The following PRKCQ variants were observed in gnomAD, a reference collection of about 807,000 sequenced individuals.
PRKCQ encodes protein kinase C theta type.
Under a neutral mutation model 91.2 loss-of-function variants are expected in PRKCQ, and 41 were observed. The observed-to-expected ratio is 0.45, with a 90% confidence interval of 0.35 to 0.58. PRKCQ has a LOEUF of 0.58. Among genes scored for constraint, PRKCQ ranks in the 20% least tolerant of loss-of-function variants. PRKCQ has a pLI of 0.00. For synonymous variants in PRKCQ, 307 were observed against 316.9 expected (o/e 0.97, Z 0.33); for missense variants, 673 against 896.5 (o/e 0.75, Z 3.18).
chr10:6,541,811 C>A (rs1224348376), intron 1 of PRKCQ, among the ~76,000 whole-genome samples: 1 of 152,156 alleles, frequency 6.6e-6, no homozygotes, highest in African/African-American at 2.4e-5. Context: ...ACTGATGCTG[C>A]ATATTAAAGC....
intron 15 of PRKCQ, among the ~76,000 whole-genome samples, chr10:6,450,001 A>G (rs199684931): frequency 0.33 from 49,324 of 150,058 alleles, 8,183 homozygotes; most frequent in East Asian, 0.43. Flanking sequence ...AAAGACCATC[A>G]AGACTAGGAA....
intron 17 of PRKCQ, among the ~76,000 whole-genome samples, chr10:6,429,210 T>C (rs1259307815): frequency 6.6e-6 from 1 of 152,216 alleles, no homozygotes; most frequent in African/African-American, 2.4e-5. Flanking sequence ...GAATGTCCTT[T>C]AGGGTAAGCT....
intron 15 of PRKCQ, among the ~76,000 whole-genome samples, chr10:6,451,334 G>A (rs147755487): frequency 0.01 from 1,549 of 152,070 alleles, 51 homozygotes; most frequent in East Asian, 0.05. Flanking sequence ...TAGAAGAAAC[G>A]GATAAATTCC....
intron 4 of PRKCQ, among the ~76,000 whole-genome samples, chr10:6,501,171 T>C (rs1332346233): frequency 6.6e-6 from 1 of 151,860 alleles, no homozygotes; most frequent in Non-Finnish European, 1.5e-5. Context: ...CCCAGAGTCT[T>C]AGGGTCTAAG....
intron 2 of PRKCQ, 75 bp from the exon 3 acceptor site, chr10:6,511,269 G>C (rs1838463744): frequency 7.4e-7 from 1 of 1,351,426 alleles, no homozygotes; most frequent in Admixed American, 1.7e-5. Flanking sequence ...CTCAACAGTA[G>C]CACCTGCTCC....
At chr10:6,416,274 G>A in the PRKCQ span, among the ~76,000 whole-genome samples, 3 of 151,828 alleles carry the variant, frequency 2.0e-5, no homozygotes, top group East Asian at 1.9e-4. Context: ...ACATGGATAC[G>A]TTCTTTAGCG....
Position 6,497,356 on chromosome 10 carries a change from C to T in PRKCQ, c.543-105G>A, listed in dbSNP as rs1837677294. ...CTCATAACCCCCTAAGATCACAGAG[C>T]AGTTTCTGATCAGCAGCCCTGTTGT... On this transcript the variant is annotated intron_variant, in intron 5 of 17. Coordinates refer to ENST00000263125, the MANE Select transcript of PRKCQ (RefSeq NM_006257.5). This position sits in a 1 kb window ranked among gnomAD's most constrained non-coding sequence, Gnocchi z 4.5. The T allele has an allele frequency of 7.5e-7, 1 of 1,338,252 alleles. No homozygotes were observed. The highest frequency in any genetic ancestry group is 1.4e-5 in the African/African-American group (1 of 69,022). The allele number at this position is 1,338,252 out of a possible 1,614,324, so 82.9% of individuals were successfully genotyped here.
At chr10:6,431,352 G>A (rs1019443476) in intron 16 of PRKCQ, among the ~76,000 whole-genome samples, 20 of 152,152 alleles carry the variant, frequency 1.3e-4, no homozygotes, top group Non-Finnish European at 2.9e-5. Flanking sequence ...ACAGGCACAT[G>A]TGACGGCATA....
chr10:6,529,550 C>T (rs1318339421), intron 1 of PRKCQ, among the ~76,000 whole-genome samples: 2 of 152,102 alleles, frequency 1.3e-5, no homozygotes, highest in Non-Finnish European at 2.9e-5. Flanking sequence ...GATCTGAAGC[C>T]CCTGGGCATG....
chr10:6,485,026 G>T, intron 10 of PRKCQ, 126 bp downstream of exon 10: 1 of 790,130 alleles, frequency 1.3e-6, no homozygotes, highest in South Asian at 1.8e-5. Context: ...GAGCCTCTTA[G>T]TTGGTAGCTG....
At chr10:6,566,542 G>C (rs545148039) in intron 1 of PRKCQ, among the ~76,000 whole-genome samples, 1 of 152,054 alleles carries the variant, frequency 6.6e-6, no homozygotes, top group African/African-American at 2.4e-5. Context: ...CTGTTGGGTG[G>C]GTCTGGAAGG....
intron 12 of PRKCQ, among the ~76,000 whole-genome samples, chr10:6,476,236 G>T (rs535010755): frequency 7.3e-5 from 11 of 150,992 alleles, no homozygotes; most frequent in African/African-American, 2.7e-4. Context: ...CAAGAGAAAG[G>T]AGCATACCTA....
the PRKCQ span, among the ~76,000 whole-genome samples, chr10:6,410,619 G>C: frequency 6.6e-6 from 1 of 152,202 alleles, no homozygotes; most frequent in African/African-American, 2.4e-5. Flanking sequence ...GGCATGATTG[G>C]CATTTAGTGC....
At chr10:6,463,959 G>A (rs1375033614) in intron 13 of PRKCQ, among the ~76,000 whole-genome samples, 1 of 152,162 alleles carries the variant, frequency 6.6e-6, no homozygotes, top group African/African-American at 2.4e-5. Flanking sequence ...TCCATAAGAT[G>A]CCTCAGCTAC....
At chr10:6,443,037 G>A (rs531763835) in intron 15 of PRKCQ, among the ~76,000 whole-genome samples, 3 of 152,274 alleles carry the variant, frequency 2.0e-5, no homozygotes, top group South Asian at 2.1e-4. Context: ...GCTCGATAGC[G>A]GGGTCTGAGT....
At chr10:6,498,151 C>T (rs1327991833) in intron 5 of PRKCQ, among the ~76,000 whole-genome samples, 1 of 151,766 alleles carries the variant, frequency 6.6e-6, no homozygotes, top group Admixed American at 6.6e-5. Context: ...CCCAATAGCC[C>T]CCCCATTGAG....
intron 2 of PRKCQ, chr10:6,512,032 G>A (rs1838502161): frequency 6.6e-6 from 1 of 152,124 alleles, no homozygotes; most frequent in African/African-American, 2.4e-5. Context: ...TTGATCCTAT[G>A]ACTGATTAAC....
chr10:6,404,816 A>ATTCTTTCTTTCCTTCTTTCT, the PRKCQ span, among the ~76,000 whole-genome samples: 5 of 64,150 alleles, frequency 7.8e-5, no homozygotes, highest in Non-Finnish European at 1.2e-4. Flanking sequence ...TCTCTCTTTC[A>ATTCTTTCTTTCCTTCTTTCT]TTCTTTCTTT....
At chr10:6,578,637 A>G (rs1241494833) in intron 1 of PRKCQ, among the ~76,000 whole-genome samples, 1 of 152,260 alleles carries the variant, frequency 6.6e-6, no homozygotes, top group Non-Finnish European at 1.5e-5. Flanking sequence ...ATGTTCAATC[A>G]GCAGGAGGAA....
Sources: allele counts gnomAD v4.1 joint callset (sites outside exome capture counted in the v4.1 genomes callset), GRCh38; gene constraint gnomAD v4.1.1; non-coding constraint Gnocchi (gnomAD v3.1); transcripts MANE v1.5; gene names NCBI Gene and HGNC (gene_info 2026-07-23, HGNC 2026-07-21).